CTNNA3: variants seen among roughly 807,000 people sequenced by gnomAD.
The protein encoded by CTNNA3 is catenin alpha-3.
A neutral mutation model predicts 95.7 loss-of-function variants in CTNNA3; 76 were observed. The observed-to-expected ratio is 0.79, with a 90% CI of 0.66 to 0.96. The LOEUF (loss-of-function observed/expected upper bound fraction) is 0.96, where lower values mean the gene tolerates loss of function less well. CTNNA3 is among the 40% of genes least tolerant of loss of function. The probability of loss-of-function intolerance (pLI) is 0.00; values close to 1 mark genes in which losing one functional copy is unlikely to be tolerated. For missense variants in CTNNA3, 1,191 were observed against 1,089.8 expected, an observed-to-expected ratio of 1.09 and a Z score of -1.31; for synonymous variants, 431 against 374.4, an observed-to-expected ratio of 1.15 and a Z score of -1.74.
rs1589421288 is a variant in CTNNA3, at chr10:66,558,391, G to A, written c.1375-37618C>T. Among the ~76,000 whole-genome samples, 16 of 152,072 alleles carry A rather than the reference G, an allele frequency of 1.1e-4. No individual in the cohort carries two copies. In the South Asian group the frequency reaches 3.3e-3, roughly 32 times the overall value. ...GTTCATATTATCATTTTCTTTTGGG[G>A]AAATGGCAAAAAATAACTTATACTC... On this transcript the variant is annotated intron_variant, in intron 10 of 17. Transcript: ENST00000433211.
At chr10:66,476,369 A>C (rs1839327268) in intron 11 of CTNNA3, among the ~76,000 whole-genome samples, 1 of 152,136 alleles carries the variant, frequency 6.6e-6, no homozygotes. Flanking sequence ...CCTGAAACTG[A>C]AAATAAAATT....
intron 6 of CTNNA3, among the ~76,000 whole-genome samples, chr10:67,205,635 T>C (rs1863862414): frequency 6.6e-6 from 1 of 152,164 alleles, no homozygotes; most frequent in African/African-American, 2.4e-5. Context: ...CAAACATTTA[T>C]AGAACAGGTA....
intron 12 of CTNNA3, among the ~76,000 whole-genome samples, chr10:66,365,776 C>T (rs4746572): frequency 6.6e-6 from 1 of 151,148 alleles, no homozygotes; most frequent in Non-Finnish European, 1.5e-5. Context: ...CTCTCTCTCT[C>T]TCTCTCATCT....
chr10:66,109,487 C>G (rs571212260), intron 13 of CTNNA3, among the ~76,000 whole-genome samples: 1 of 152,110 alleles, frequency 6.6e-6, no homozygotes. Flanking sequence ...CAGACATTAC[C>G]GAATATCCCC....
At chr10:66,763,549 C>A (rs2132773350) in intron 9 of CTNNA3, among the ~76,000 whole-genome samples, 1 of 152,240 alleles carries the variant, frequency 6.6e-6, no homozygotes, top group South Asian at 2.1e-4. Flanking sequence ...CTAACTTTCA[C>A]TTTATAGATA....
chr10:66,940,164 G>T (rs984798424), intron 7 of CTNNA3, among the ~76,000 whole-genome samples: 1 of 152,064 alleles, frequency 6.6e-6, no homozygotes, highest in African/African-American at 2.4e-5. Flanking sequence ...GATGGAAAAC[G>T]TTGTTCTGAA....
intron 1 of CTNNA3, among the ~76,000 whole-genome samples, chr10:67,725,901 A>G (rs896695797): frequency 1.4e-5 from 2 of 140,286 alleles, no homozygotes; most frequent in Non-Finnish European, 3.0e-5. Context: ...TATAATATAT[A>G]TAATTATATA....
rs1847140666 is a variant in CTNNA3 at position 66,927,405 on chromosome 10, T to C, written c.1048-151881A>G. The C allele has an allele frequency of 6.2e-7, 1 of 1,614,054 alleles. No individual in the cohort carries two copies. On this transcript the variant is annotated intron_variant, in intron 7 of 17. Transcript: ENST00000433211. The surrounding 1 kb of genome is among the most constrained non-coding windows in gnomAD (Gnocchi z 4.7). ...GCTTGCGGAAGCTGCTGAGTTTACA[T>C]TTACGGTCTAACTCCCTGAGAACCA...
chr10:66,891,392 A>T (rs898206945), intron 7 of CTNNA3, among the ~76,000 whole-genome samples: 3 of 152,314 alleles, frequency 2.0e-5, no homozygotes, highest in Admixed American at 1.3e-4. Context: ...TCACTATGGA[A>T]GGCCTCATTC....
At position 66,766,376 on chromosome 10, in the gene CTNNA3, A is replaced by G; in HGVS notation, c.1169T>C (p.Leu390Pro). ...AACCAAAAGAGGGACTGTCGTATCC[A>G]GGAAAGAGTCTGACACATGATCTAT... ...AIIDHVSDSF[L>P]DTTVPLLVLI... The change falls in exon 9 of 18, where the codon CTG becomes CCG. Residue 390 changes from leucine (L) to proline (P), a missense_variant. Transcript: ENST00000433211. 1.9e-6 allele frequency: 3 copies of G among 1,613,820 alleles called. No individual in the cohort carries two copies. The highest frequency in any genetic ancestry group is 1.7e-6 in the Non-Finnish European group (2 of 1,179,824).
chr10:67,336,535 T>C (rs1439893686), intron 5 of CTNNA3, among the ~76,000 whole-genome samples: 1 of 152,162 alleles, frequency 6.6e-6, no homozygotes, highest in South Asian at 2.1e-4. Context: ...GCCCAGATAA[T>C]TGATGAAAGT....
At chr10:66,194,007 T>C (rs10996967) in intron 13 of CTNNA3, among the ~76,000 whole-genome samples, 56,058 of 151,886 alleles carry the variant, frequency 0.37, 10,945 homozygotes, top group South Asian at 0.53. Flanking sequence ...AAAAAAATGA[T>C]GTAAATTTAA....
intron 16 of CTNNA3, among the ~76,000 whole-genome samples, chr10:65,970,127 A>G (rs887356781): frequency 2.0e-5 from 3 of 152,150 alleles, no homozygotes; most frequent in Non-Finnish European, 4.4e-5. Context: ...TATTTTCAGA[A>G]TTCTTGAAGC....
chr10:67,137,900 T>C (rs776759042), intron 7 of CTNNA3, among the ~76,000 whole-genome samples: 7 of 151,456 alleles, frequency 4.6e-5, no homozygotes, highest in Non-Finnish European at 8.8e-5. Flanking sequence ...GAATTTAGTA[T>C]GTAATTTATT....
intron 7 of CTNNA3, among the ~76,000 whole-genome samples, chr10:67,112,151 C>T (rs530855490): frequency 6.6e-6 from 1 of 152,242 alleles, no homozygotes; most frequent in African/African-American, 2.4e-5. Context: ...TATGATAATA[C>T]ACCTTCATGT....
intron 1 of CTNNA3, among the ~76,000 whole-genome samples, chr10:67,701,332 C>G (rs1841037743): frequency 6.6e-6 from 1 of 151,994 alleles, no homozygotes; most frequent in Non-Finnish European, 1.5e-5. Flanking sequence ...GTCAGATTCA[C>G]CAAAGTTGAA....
intron 7 of CTNNA3, among the ~76,000 whole-genome samples, chr10:67,008,985 T>G (rs1417050498): frequency 6.6e-6 from 1 of 152,200 alleles, no homozygotes; most frequent in Non-Finnish European, 1.5e-5. Flanking sequence ...GTATATACTT[T>G]CTTGTACTCA....
intron 1 of CTNNA3, among the ~76,000 whole-genome samples, chr10:67,656,688 C>T (rs193053091): frequency 6.6e-6 from 1 of 151,884 alleles, no homozygotes; most frequent in East Asian, 1.9e-4. Context: ...CTGAGCAAGA[C>T]TCGAAGAGGC....
chr10:66,366,086 T>A (rs2092709488), intron 12 of CTNNA3, among the ~76,000 whole-genome samples: 2 of 152,150 alleles, frequency 1.3e-5, no homozygotes, highest in African/African-American at 4.8e-5. Context: ...GGAGATTTGC[T>A]ATGCAGCATA....
Sources: gnomAD v4.1 joint callset for allele counts (sites outside exome capture counted in the v4.1 genomes callset) on GRCh38, gnomAD v4.1.1 for gene constraint, Gnocchi (gnomAD v3.1) non-coding constraint, MANE v1.5 for transcripts, NCBI Gene and HGNC (gene_info 2026-07-23, HGNC 2026-07-21) for gene names.